The following PAX3 variants were observed in gnomAD, a reference collection of about 807,000 sequenced individuals.
PAX3 encodes paired box 3.
A neutral mutation model predicts 51.6 loss-of-function variants in PAX3; 14 were observed. That is an observed-to-expected ratio of 0.27 (90% CI 0.18 to 0.42). The LOEUF (loss-of-function observed/expected upper bound fraction) is 0.42. Among genes scored for constraint, PAX3 ranks in the 10% least tolerant of loss-of-function variants. The pLI, the probability that PAX3 is intolerant of heterozygous loss-of-function variation, is 1.00. For synonymous variants in PAX3, 280 were observed against 253.4 expected (o/e 1.11, Z -1.00); for missense variants, 540 against 642.8 (o/e 0.84, Z 1.73).
intron 7 of PAX3, among the ~76,000 whole-genome samples, chr2:222,205,600 G>C (rs753221254): frequency 1.2e-4 from 18 of 152,004 alleles, no homozygotes; most frequent in Non-Finnish European, 2.4e-4. Context: ...TCCTACATTT[G>C]GCCTGAAACT....
chr2:222,238,580 T>C (rs949238007), intron 4 of PAX3, among the ~76,000 whole-genome samples: 1 of 152,206 alleles, frequency 6.6e-6, no homozygotes. Flanking sequence ...TATAATACAA[T>C]GTGATTTACA....
At chr2:222,251,830 T>A (rs1308410916) in intron 4 of PAX3, among the ~76,000 whole-genome samples, 4 of 152,222 alleles carry the variant, frequency 2.6e-5, no homozygotes, top group Non-Finnish European at 5.9e-5. Flanking sequence ...TATCTCATTG[T>A]GGTTTTGATT....
chr2:222,243,578 A>G (rs6436303), intron 4 of PAX3, among the ~76,000 whole-genome samples: 76,017 of 152,134 alleles, frequency 0.5, 19,654 homozygotes, highest in East Asian at 0.8. Context: ...TAAATAGCCC[A>G]TCAAAGCTGA....
In PAX3 at chr2:222,298,903, C is replaced by T. The variant is rs1450836451; in HGVS notation, c.-288G>A. ...GCAAATGTTCCAGCGACTGGGGTCC[C>T]TGAAAAGGGGGCTCAGAGAGCCACG... On this transcript the variant is annotated 5_prime_UTR_variant, in exon 1 of 9. Coordinates refer to ENST00000392070, the MANE Select transcript of PAX3 (RefSeq NM_181458.4). The T allele has an allele frequency of 1.9e-6, 1 of 530,990 alleles. No homozygotes were observed. Among genetic ancestry groups the T allele is most frequent in the Non-Finnish European group, 3.4e-6 (1 of 294,620 alleles). 32.9% of individuals were successfully genotyped at this position (530,990 alleles called of 1,614,324 possible).
At chr2:222,215,880 C>T (rs1691935355) in intron 7 of PAX3, among the ~76,000 whole-genome samples, 1 of 152,118 alleles carries the variant, frequency 6.6e-6, no homozygotes, top group African/African-American at 2.4e-5. Context: ...TTAAATGCTT[C>T]CCTTCCCAGA....
intron 4 of PAX3, among the ~76,000 whole-genome samples, chr2:222,280,232 A>G (rs1694591422): frequency 6.9e-6 from 1 of 145,852 alleles, no homozygotes; most frequent in South Asian, 2.3e-4. Flanking sequence ...AGAAAGAGAG[A>G]GAGGGAGAAA....
intron 4 of PAX3, among the ~76,000 whole-genome samples, chr2:222,235,190 A>G (rs1692753943): frequency 6.6e-6 from 1 of 152,190 alleles, no homozygotes; most frequent in Admixed American, 6.5e-5. Flanking sequence ...CACCAGCGAG[A>G]ATTAATCCTG....
chr2:222,222,971 C>T (rs546157586), intron 5 of PAX3, among the ~76,000 whole-genome samples: 1 of 152,182 alleles, frequency 6.6e-6, no homozygotes, highest in Non-Finnish European at 1.5e-5. Flanking sequence ...TCCATCCTGT[C>T]CTACAGGGCA....
Position 222,220,289 on chromosome 2 carries a change from T to G in PAX3, c.1024A>C (p.Ser342Arg), listed in dbSNP as rs531422957. The part of the protein sequence containing the change: ...QPLPPSTVHQ[S>R]TIPSNPDSSS... Reference sequence around the variant, plus strand: ...CTGTCTGGGTTGGAAGGAATCGTGCTTTGGTGTACAGTGCTTGGAGGAAGC... The same window carrying G: ...CTGTCTGGGTTGGAAGGAATCGTGCGTTGGTGTACAGTGCTTGGAGGAAGC... The change falls in exon 7 of 9, where the codon AGC becomes CGC. Residue 342 changes from serine (S) to arginine (R), a missense_variant. Ser to Arg is a moderately radical substitution (Grantham distance 110). This residue lies in a region of PAX3 where 427 missense variants were observed against 483.6 expected (regional missense o/e 0.88). Coordinates refer to ENST00000392070, the MANE Select transcript of PAX3 (RefSeq NM_181458.4). The G allele has an allele frequency of 4.8e-5, 78 of 1,613,938 alleles. No homozygotes were observed. The highest frequency in any genetic ancestry group is 1.5e-4 in the Admixed American group (9 of 59,996).
intron 4 of PAX3, among the ~76,000 whole-genome samples, chr2:222,258,648 T>A (rs1335857742): frequency 6.6e-6 from 1 of 152,190 alleles, no homozygotes; most frequent in Non-Finnish European, 1.5e-5. Flanking sequence ...GAAACTGACA[T>A]GCATCTATAT....
intron 5 of PAX3, among the ~76,000 whole-genome samples, chr2:222,228,645 A>G (rs1306839138): frequency 6.6e-6 from 1 of 152,164 alleles, no homozygotes; most frequent in African/African-American, 2.4e-5. Flanking sequence ...GGCCTATTTT[A>G]AAAATAGATC....
At chr2:222,233,864 T>C (rs776276901) in intron 4 of PAX3, among the ~76,000 whole-genome samples, 2 of 152,316 alleles carry the variant, frequency 1.3e-5, no homozygotes, top group Non-Finnish European at 2.9e-5. Flanking sequence ...AGATTATTAA[T>C]GTCAATGTCA....
intron 4 of PAX3, among the ~76,000 whole-genome samples, chr2:222,239,799 A>C (rs1692939529): frequency 6.6e-6 from 1 of 150,996 alleles, no homozygotes; most frequent in South Asian, 2.1e-4. Context: ...GAAATGTGCC[A>C]GCAAAAGACT....
At chr2:222,214,308 A>G (rs1691866909) in intron 7 of PAX3, 1 of 152,208 alleles carries the variant, frequency 6.6e-6, no homozygotes, top group Admixed American at 6.5e-5. Context: ...TGGAACCACG[A>G]TAGTCTAATA....
chr2:222,238,676 G>C (rs1340566334), intron 4 of PAX3, among the ~76,000 whole-genome samples: 1 of 152,114 alleles, frequency 6.6e-6, no homozygotes, highest in East Asian at 1.9e-4. Context: ...TACCAAACCC[G>C]ATGGTCTTTT....
chr2:222,265,733 C>T (rs982881993), intron 4 of PAX3, among the ~76,000 whole-genome samples: 10 of 146,930 alleles, frequency 6.8e-5, no homozygotes, highest in Non-Finnish European at 1.5e-4. Flanking sequence ...CTTTTCAGGA[C>T]ACTGAGAGTT....
intron 4 of PAX3, among the ~76,000 whole-genome samples, chr2:222,280,272 AAAG>A (rs1428462313): frequency 1.4e-5 from 2 of 143,270 alleles, no homozygotes; most frequent in African/African-American, 2.6e-5. Context: ...GGAAAGAAAG[AAAG>A]AAGGAGAGAA....
chr2:222,240,116 C>G (rs1328398490), intron 4 of PAX3, among the ~76,000 whole-genome samples: 1 of 152,164 alleles, frequency 6.6e-6, no homozygotes, highest in Non-Finnish European at 1.5e-5. Flanking sequence ...CACTCAACAA[C>G]TCCCCGAGTG....
intron 4 of PAX3, among the ~76,000 whole-genome samples, chr2:222,258,247 C>A (rs1035238161): frequency 1.3e-5 from 2 of 152,088 alleles, no homozygotes; most frequent in Non-Finnish European, 2.9e-5. Context: ...TGTTTTTAAG[C>A]CTCAATTATT....
Sources: gnomAD v4.1 joint callset for allele counts (sites outside exome capture counted in the v4.1 genomes callset) on GRCh38, gnomAD v4.1.1 for gene constraint, gnomAD v4.1.1 regional missense constraint, MANE v1.5 for transcripts, NCBI Gene and HGNC (gene_info 2026-07-23, HGNC 2026-07-21) for gene names.